MED14: variants seen among roughly 807,000 people sequenced by gnomAD.
The protein encoded by MED14 is mediator of RNA polymerase II transcription subunit 14.
In MED14, 8 loss-of-function variants were observed where a neutral mutation model predicts 109.0. The observed-to-expected ratio is 0.07, with a 90% CI of 0.04 to 0.13. The LOEUF is 0.13. Ranked by LOEUF, MED14 falls within the 10% of genes least tolerant of loss-of-function variation. The pLI is 1.00. For missense variants in MED14, 711 were observed against 1,142.4 expected (o/e 0.62, Z 5.44); for synonymous variants, 399 against 408.7 (o/e 0.98, Z 0.29).
chrX:40,735,425 C>G lies in MED14; in HGVS notation c.-13G>C, dbSNP rs1200374574. 1.8e-6 allele frequency: 2 copies of G among 1,116,012 alleles called. No individual in the cohort carries two copies. Among genetic ancestry groups the G allele is most frequent in the Admixed American group, 2.9e-5 (1 of 34,627 alleles). 92.0% of individuals were successfully genotyped at this position (1,116,012 alleles called of 1,213,427 possible). On this transcript the variant is annotated 5_prime_UTR_variant, in exon 1 of 31. Coordinates refer to ENST00000324817, the MANE Select transcript of MED14 (RefSeq NM_004229.4). ...GCACTGGGGCCATGGCGGCGCAGGA[C>G]CGGGCTTGGCGCAACGGCACACGAT...
chrX:40,677,406 G>A (rs996708472), intron 21 of MED14, among the ~76,000 whole-genome samples: 1 of 110,840 alleles, frequency 9.0e-6, no homozygotes, highest in Non-Finnish European at 1.9e-5. Context: ...GTTAAGAATC[G>A]CTTAACATTT....
intron 30 of MED14, among the ~76,000 whole-genome samples, chrX:40,652,462 C>T (rs1489721630): frequency 2.7e-5 from 3 of 112,097 alleles, no homozygotes; most frequent in African/African-American, 9.7e-5. Context: ...ATTTAAATAG[C>T]CACATGCTGG....
At chrX:40,669,150 G>A (rs1252599615) in intron 23 of MED14, among the ~76,000 whole-genome samples, 1 of 112,235 alleles carries the variant, frequency 8.9e-6, no homozygotes, top group Non-Finnish European at 1.9e-5. Flanking sequence ...CCACAGGTTT[G>A]CTGTGAGGAT....
chrX:40,670,740 C>T (rs1410083416), intron 23 of MED14, among the ~76,000 whole-genome samples: 1 of 105,279 alleles, frequency 9.5e-6, no homozygotes, highest in East Asian at 3.0e-4. Flanking sequence ...CACAGTCCGG[C>T]CTGGGCGACA....
intron 1 of MED14, 32 bp downstream of exon 1, chrX:40,735,166 T>A (rs886642774): frequency 1.1e-6 from 1 of 935,175 alleles, no homozygotes; most frequent in Non-Finnish European, 1.4e-6. Flanking sequence ...GAAGGGGGGC[T>A]GGGGAACAGG....
intron 10 of MED14, among the ~76,000 whole-genome samples, chrX:40,704,617 A>G (rs1931068962): frequency 8.9e-6 from 1 of 112,611 alleles, no homozygotes; most frequent in South Asian, 3.6e-4. Flanking sequence ...TATTATCTAT[A>G]TTCCTTTTGA....
intron 10 of MED14, among the ~76,000 whole-genome samples, 170 bp from the exon 11 acceptor site, chrX:40,703,739 A>T (rs1931038538): frequency 8.9e-6 from 1 of 112,586 alleles, no homozygotes; most frequent in South Asian, 3.6e-4. Context: ...TAGCAGCTCA[A>T]AAAGGAAAGA....
chrX:40,715,194 T>A (rs1162937804), intron 3 of MED14: 1 of 112,928 alleles, frequency 8.9e-6, no homozygotes, highest in Non-Finnish European at 1.8e-5. Flanking sequence ...GAGGTGATCA[T>A]GATTCCCAAT....
intron 1 of MED14, among the ~76,000 whole-genome samples, chrX:40,730,050 C>T (rs1932024449): frequency 8.9e-6 from 1 of 111,842 alleles, no homozygotes. Context: ...AACCTCTATC[C>T]CACAGTCCAA....
At chrX:40,692,980 G>T in intron 13 of MED14, 78 bp from the exon 14 acceptor site, 1 of 720,698 alleles carries the variant, frequency 1.4e-6, no homozygotes, top group Non-Finnish European at 1.9e-6. Context: ...ATCAAGTAAG[G>T]CTCAGAATTA....
chrX:40,696,518 T>C (rs1364763454), intron 13 of MED14, among the ~76,000 whole-genome samples: 5 of 109,900 alleles, frequency 4.5e-5, no homozygotes, highest in African/African-American at 1.7e-4. Context: ...AATTCAAAAA[T>C]AAAGAAACTA....
Position 40,681,834 on chromosome X carries a change from C to T in MED14, c.2457+18G>A, listed in dbSNP as rs774365375. 1.1e-6 allele frequency: 1 copy of T among 906,979 alleles called. No individual in the cohort carries two copies. Among genetic ancestry groups the T allele is most frequent in the African/African-American group, 2.0e-5 (1 of 49,193 alleles). 74.7% of individuals were successfully genotyped at this position (906,979 alleles called of 1,213,427 possible). On this transcript the variant is annotated intron_variant, in intron 19 of 30. Transcript: ENST00000324817. ...AAGATTCATAAGACAGGAACTTCAG[C>T]ATTTTAATCAGACTTACTGAGCTTC...
In MED14 at chrX:40,651,215, A is replaced by C; in HGVS notation, c.*591T>G. 2 of 751,226 alleles carry C rather than the reference A, an allele frequency of 2.7e-6. No individual in the cohort carries two copies. The highest frequency in any genetic ancestry group is 1.4e-4 in the South Asian group (2 of 14,772). 61.9% of individuals were successfully genotyped at this position (751,226 alleles called of 1,213,427 possible). A position where few individuals can be genotyped will look rare whatever the true frequency, so the allele number is the denominator to read the frequency against. On this transcript the variant is annotated 3_prime_UTR_variant, in exon 31 of 31. Transcript: ENST00000324817. ...GGCTCCATCCACCAGGTTAAAGATG[A>C]AGGGAGGGCCTAAGATGTCTCTAGA...
At position 40,714,526 on chromosome X, in the gene MED14, A is replaced by G. The variant is rs774862504; in HGVS notation, c.522+11T>C. Reference sequence around the variant, plus strand: ...AGTTTTTAGGAACATGGGGGCAAGCAAAGAACTTACCCTAATGCAGGTTGG... The same window carrying G: ...AGTTTTTAGGAACATGGGGGCAAGCGAAGAACTTACCCTAATGCAGGTTGG... On this transcript the variant is annotated intron_variant, in intron 4 of 30. Coordinates refer to ENST00000324817, the MANE Select transcript of MED14 (RefSeq NM_004229.4). The G allele has an allele frequency of 3.3e-6, 4 of 1,208,517 alleles. No homozygotes were observed. In the East Asian group the frequency reaches 1.2e-4, roughly 36 times the overall value.
rs761047533 is a variant in MED14, at chrX:40,717,136, GAGA to G, written c.349-2429_349-2427del. On this transcript the variant is annotated intron_variant, in intron 3 of 30. Transcript: ENST00000324817. ...TATTGTATATTCAAAACGACCAGAA[GAGA>G]AGAACTGTAACATTCCCAACACAAA... Among the ~76,000 whole-genome samples the G allele has an allele frequency of 8.4e-3, 931 of 111,110 alleles. 7 individuals carry two copies. Among genetic ancestry groups the G allele is most frequent in the African/African-American group, 0.029 (873 of 30,538 alleles).
chrX:40,721,953 G>A (rs931001064), intron 3 of MED14, among the ~76,000 whole-genome samples: 5 of 111,760 alleles, frequency 4.5e-5, no homozygotes, highest in African/African-American at 1.6e-4. Flanking sequence ...ATTGAGCTTG[G>A]GGCCTAAGTA....
At chrX:40,688,379 C>G in intron 16 of MED14, 75 bp downstream of exon 16, 1 of 738,256 alleles carries the variant, frequency 1.4e-6, no homozygotes, top group Non-Finnish European at 2.1e-6. Flanking sequence ...TTTATGTTGT[C>G]TCATGAAAGA....
chrX:40,722,308 T>C (rs1487133624), intron 3 of MED14, among the ~76,000 whole-genome samples: 1 of 111,680 alleles, frequency 9.0e-6, no homozygotes, highest in Non-Finnish European at 1.9e-5. Context: ...AGTTGAAAAA[T>C]GCAATCGGCA....
At chrX:40,697,420 T>C (rs1930760616) in intron 12 of MED14, among the ~76,000 whole-genome samples, 1 of 112,326 alleles carries the variant, frequency 8.9e-6, no homozygotes, top group Non-Finnish European at 1.9e-5. Context: ...AGTTATAAGG[T>C]AGAATTCACT....
Sources: gnomAD v4.1 joint callset for allele counts (sites outside exome capture counted in the v4.1 genomes callset) on GRCh38, gnomAD v4.1.1 for gene constraint, MANE v1.5 for transcripts, NCBI Gene and HGNC (gene_info 2026-07-23, HGNC 2026-07-21) for gene names.